ARHGAP35: variants seen among roughly 807,000 people sequenced by gnomAD.
The protein encoded by ARHGAP35 is Rho GTPase activating protein 35, also known as rho GTPase-activating protein 35.
A neutral mutation model predicts 111.1 loss-of-function variants in ARHGAP35; 15 were observed. That is an observed-to-expected ratio of 0.13 (90% confidence interval 0.09 to 0.21). ARHGAP35 has a LOEUF of 0.21. Among genes scored for constraint, ARHGAP35 ranks in the 10% least tolerant of loss-of-function variants. The probability of loss-of-function intolerance (pLI) is 1.00; values close to 1 mark genes in which losing one functional copy is unlikely to be tolerated. For synonymous variants in ARHGAP35, 643 were observed against 710.3 expected, an observed-to-expected ratio of 0.91 and a Z score of 1.51; for missense variants, 1,262 against 1,873.0, an observed-to-expected ratio of 0.67 and a Z score of 6.02.
chr19:46,998,051 G>A (rs185158541), intron 5 of ARHGAP35, among the ~76,000 whole-genome samples: 201 of 151,744 alleles, frequency 1.3e-3, no homozygotes, highest in Admixed American at 7.4e-3. Flanking sequence ...GCAGTGAGCC[G>A]ACATCGCACC....
At position 47,001,001 on chromosome 19, in the gene ARHGAP35, T is replaced by C. The variant is rs1323791228; in HGVS notation, c.*313T>C. On this transcript the variant is annotated 3_prime_UTR_variant, in exon 7 of 7. Coordinates refer to ENST00000672722, the MANE Select transcript of ARHGAP35 (RefSeq NM_004491.5). The surrounding 1 kb of genome is among the most constrained non-coding windows in gnomAD (Gnocchi z 5.4). ...GTAGCTGCTCACACCAGCCTCCGGG[T>C]GCCTCCCTCTGCTTGTACAGAGCCC... 1 of 1,469,412 alleles carries C rather than the reference T, an allele frequency of 6.8e-7. No individual in the cohort carries two copies. The highest frequency in any genetic ancestry group is 2.9e-5 in the East Asian group (1 of 35,082). 91.0% of individuals were successfully genotyped at this position (1,469,412 alleles called of 1,614,324 possible). A position where few individuals can be genotyped will look rare whatever the true frequency, so the allele number is the denominator to read the frequency against.
intron 1 of ARHGAP35, among the ~76,000 whole-genome samples, chr19:46,893,334 T>G (rs148297236): frequency 1.7e-3 from 258 of 152,186 alleles, no homozygotes; most frequent in African/African-American, 6.0e-3. Context: ...TTGGACTTTT[T>G]GAACATATAA....
In ARHGAP35 at chr19:46,937,303, A is replaced by G; in HGVS notation, c.3721A>G (p.Thr1241Ala). 1.2e-6 allele frequency: 2 copies of G among 1,613,924 alleles called. No homozygotes were observed. Among genetic ancestry groups the G allele is most frequent in the South Asian group, 1.1e-5 (1 of 91,080 alleles). ...ACCCCGGCCATCCATCACAAAGGCA[A>G]CCTGGGAGAGTAACTATTTTGGGGT... is the stretch of plus-strand genomic sequence containing the variant. ...PKPRPSITKA[T>A]WESNYFGVPL... The change falls in exon 3 of 7, where the codon ACC becomes GCC. Residue 1241 changes from threonine to alanine, a missense_variant. Around this residue, in one of 8 missense-constraint regions of ARHGAP35, gnomAD observed 579 missense variants for 716.9 expected, o/e 0.81. Transcript: ENST00000672722.
chr19:46,941,716 T>C (rs1309925195), intron 3 of ARHGAP35, among the ~76,000 whole-genome samples: 2 of 150,804 alleles, frequency 1.3e-5, no homozygotes. Flanking sequence ...TGTGCCACCA[T>C]GTCTGGCTAA....
intron 3 of ARHGAP35, among the ~76,000 whole-genome samples, chr19:46,971,385 G>A (rs536186260): frequency 1.6e-4 from 25 of 152,040 alleles, no homozygotes; most frequent in Admixed American, 3.3e-4. Context: ...CAGCCCGGGC[G>A]ACAGAGCCAG....
In ARHGAP35 at chr19:46,961,677, C is replaced by G. The variant is rs563759529; in HGVS notation, c.3826+24269C>G. Among the ~76,000 whole-genome samples, 3 of 152,266 alleles carry G rather than the reference C, an allele frequency of 2.0e-5. No homozygotes were observed. In the South Asian group the frequency reaches 6.2e-4, roughly 32 times the overall value. On this transcript the variant is annotated intron_variant, in intron 3 of 6. Transcript: ENST00000672722. ...AGGTGCGGTGGCTCATGCCTGTAAT[C>G]CCAGAACTTTAGGAGGCCGAGGCAG...
chr19:46,973,645 C>T (rs563021967), intron 3 of ARHGAP35, among the ~76,000 whole-genome samples: 13 of 151,698 alleles, frequency 8.6e-5, no homozygotes, highest in Non-Finnish European at 1.5e-4. Context: ...GAGCAGAGAT[C>T]GCACCACTGC....
At chr19:46,936,397 G>A (rs1180019573) in intron 2 of ARHGAP35, among the ~76,000 whole-genome samples, 2 of 152,132 alleles carry the variant, frequency 1.3e-5, no homozygotes, top group South Asian at 2.1e-4. Context: ...TGTCTTGTTT[G>A]ATTAGTCGAC....
intron 3 of ARHGAP35, among the ~76,000 whole-genome samples, chr19:46,984,008 A>T (rs867303327): frequency 5.9e-5 from 9 of 152,184 alleles, no homozygotes; most frequent in Admixed American, 5.9e-4. Context: ...GAACATAGTG[A>T]TCTTGGCTGT....
intron 3 of ARHGAP35, among the ~76,000 whole-genome samples, chr19:46,938,429 C>T (rs2056323328): frequency 1.3e-5 from 2 of 152,168 alleles, no homozygotes. Flanking sequence ...TCTCAACTCA[C>T]TGCAACCTCC....
At chr19:46,944,830 G>A (rs531936504) in intron 3 of ARHGAP35, among the ~76,000 whole-genome samples, 10 of 152,244 alleles carry the variant, frequency 6.6e-5, no homozygotes, top group South Asian at 2.1e-4. Context: ...ACTCCTCCCC[G>A]ATATTTTCCC....
At chr19:46,968,246 G>A (rs1232684979) in intron 3 of ARHGAP35, among the ~76,000 whole-genome samples, 1 of 152,244 alleles carries the variant, frequency 6.6e-6, no homozygotes, top group Non-Finnish European at 1.5e-5. Context: ...GGCAGTATCT[G>A]GGCAGGAGCA....
At position 46,934,409 on chromosome 19, in the gene ARHGAP35, C is replaced by T. The variant is rs562555872; in HGVS notation, c.3682-2855C>T. Among the ~76,000 whole-genome samples the T allele has an allele frequency of 3.3e-5, 5 of 152,262 alleles. No individual in the cohort carries two copies. The East Asian group carries it at 9.6e-4, about 29-fold the overall frequency. On this transcript the variant is annotated intron_variant, in intron 2 of 6. Coordinates refer to ENST00000672722, the MANE Select transcript of ARHGAP35 (RefSeq NM_004491.5). Reference sequence around the variant, plus strand: ...CGGAGACACAGTCTTGCTCTGTCGCCCAGGCTGGAGTGCAATGGCACAATC... The same window carrying T: ...CGGAGACACAGTCTTGCTCTGTCGCTCAGGCTGGAGTGCAATGGCACAATC...
Position 46,921,589 on chromosome 19 carries a change from C to G in ARHGAP35, c.2914C>G (p.Arg972Gly), listed in dbSNP as rs768208332. 2.1e-5 allele frequency: 34 copies of G among 1,613,854 alleles called. No individual in the cohort carries two copies. Among genetic ancestry groups the G allele is most frequent in the African/African-American group, 2.7e-5 (2 of 74,914 alleles). Residue 972 changes from arginine to glycine, a missense_variant, in exon 2 of 7, where the codon CGG becomes GGG. Arg to Gly is a moderately radical substitution (Grantham distance 125). This residue lies in a region of ARHGAP35 where 579 missense variants were observed against 716.9 expected (regional missense o/e 0.81). Transcript: ENST00000672722. The surrounding 1 kb of genome is among the most constrained non-coding windows in gnomAD (Gnocchi z 4.3). ...STTEEVFNSP[R>G]AGSPLCNSNL... ...CACCGAAGAGGTGTTTAACTCCCCC[C>G]GGGCAGGATCACCGCTCTGCAACTC...
chr19:46,970,040 C>T (rs1159217914), intron 3 of ARHGAP35, among the ~76,000 whole-genome samples: 1 of 152,176 alleles, frequency 6.6e-6, no homozygotes. Context: ...ACCTGTGACC[C>T]ATAGTAGGCA....
chr19:46,894,693 G>A (rs867311797), intron 1 of ARHGAP35, among the ~76,000 whole-genome samples: 5 of 152,164 alleles, frequency 3.3e-5, no homozygotes, highest in Admixed American at 2.0e-4. Context: ...TGATCTGCCC[G>A]CCTCAGCCTC....
chr19:46,937,290 C>T lies in ARHGAP35; in HGVS notation c.3708C>T (p.Ser1236=). ...TKKPKPKPRP[S]ITKATWESNY... is the part of the protein sequence containing the mutation. ...AACCAAAGCCCAAACCCCGGCCATC[C>T]ATCACAAAGGCAACCTGGGAGAGTA... The change falls in exon 3 of 7, where the codon TCC becomes TCT. Residue 1236 remains serine, a synonymous_variant. Coordinates refer to ENST00000672722, the MANE Select transcript of ARHGAP35 (RefSeq NM_004491.5). 1 of 1,613,892 alleles carries T rather than the reference C, an allele frequency of 6.2e-7. No individual in the cohort carries two copies. The highest frequency in any genetic ancestry group is 8.5e-7 in the Non-Finnish European group (1 of 1,179,796).
chr19:46,910,308 T>G (rs2056131218), intron 1 of ARHGAP35, among the ~76,000 whole-genome samples: 1 of 152,006 alleles, frequency 6.6e-6, no homozygotes, highest in Non-Finnish European at 1.5e-5. Flanking sequence ...TTATTTTTTT[T>G]GAGACAGAGT....
intron 1 of ARHGAP35, among the ~76,000 whole-genome samples, chr19:46,877,470 A>G (rs2055931376): frequency 6.6e-6 from 1 of 152,000 alleles, no homozygotes; most frequent in African/African-American, 2.4e-5. Context: ...AGGCTGAGTC[A>G]GGAGAATCAC....
Sources: gnomAD v4.1 joint callset for allele counts (sites outside exome capture counted in the v4.1 genomes callset) on GRCh38, gnomAD v4.1.1 for gene constraint, gnomAD v4.1.1 regional missense constraint, Gnocchi (gnomAD v3.1) non-coding constraint, MANE v1.5 for transcripts, NCBI Gene and HGNC (gene_info 2026-07-23, HGNC 2026-07-21) for gene names.